Variants in LGMN observed in about 807,000 individuals in gnomAD.
LGMN encodes the protein legumain, also known as asparaginyl endopeptidase.
LGMN carries 36 observed loss-of-function variants against 56.8 expected under a neutral mutation model. The observed-to-expected ratio is 0.63, with a 90% CI of 0.49 to 0.84. The LOEUF is 0.84. LGMN is among the 40% of genes least tolerant of loss of function. The pLI is 0.00. For synonymous variants in LGMN, 199 were observed against 210.1 expected (o/e 0.95, Z 0.46); for missense variants, 446 against 556.1 (o/e 0.80, Z 1.99).
intron 11 of LGMN, among the ~76,000 whole-genome samples, chr14:92,708,611 A>G (rs1459982262): frequency 6.6e-6 from 1 of 152,158 alleles, no homozygotes; most frequent in African/African-American, 2.4e-5. Context: ...ATTTAAAAAA[A>G]GAATCTTGCC....
chr14:92,709,796 A>G lies in LGMN; in HGVS notation c.896T>C (p.Val299Ala), dbSNP rs780669493. ...GCTGGGGGTGAGGTCAAGGTGTGTG[A>G]CTGGAGGTAGGGGGACGGGAGAACT... Reference protein sequence around the residue: ...KASSPVPLPPVTHLDLTPSPD... With the variant: ...KASSPVPLPPATHLDLTPSPD... The change falls in exon 11 of 14, where the codon GTC (valine) becomes GCC (alanine). Residue 299 changes from valine to alanine, a missense_variant. By Grantham distance (64) the Val-to-Ala change is moderately conservative. Coordinates refer to ENST00000334869, the MANE Select transcript of LGMN (RefSeq NM_005606.7). 1.2e-6 allele frequency: 2 copies of G among 1,613,850 alleles called. No homozygotes were observed.
intron 2 of LGMN, 130 bp from the exon 3 acceptor site, chr14:92,718,974 T>G: frequency 1.6e-6 from 1 of 606,478 alleles, no homozygotes; most frequent in Non-Finnish European, 3.0e-6. Flanking sequence ...ATTTAAATTA[T>G]TATTTTAAAA....
intron 2 of LGMN, among the ~76,000 whole-genome samples, chr14:92,719,369 CCACCAA>C (rs1364922555): frequency 4.9e-5 from 7 of 143,782 alleles, no homozygotes; most frequent in South Asian, 2.5e-4. Context: ...ACCACCACCA[CCACCAA>C]CACCGCCACC....
intron 2 of LGMN, among the ~76,000 whole-genome samples, chr14:92,727,206 G>A (rs1365342845): frequency 2.6e-5 from 4 of 151,862 alleles, no homozygotes; most frequent in Non-Finnish European, 4.4e-5. Flanking sequence ...GAGGCGGGCA[G>A]ATCACTTGAA....
At chr14:92,712,227 A>G (rs1889820547) in intron 8 of LGMN, among the ~76,000 whole-genome samples, 1 of 152,232 alleles carries the variant, frequency 6.6e-6, no homozygotes, top group Non-Finnish European at 1.5e-5. Flanking sequence ...GCTATTCTGG[A>G]AGAATGCTGA....
chr14:92,733,895 A>G (rs376377858), intron 1 of LGMN: 12 of 152,216 alleles, frequency 7.9e-5, no homozygotes, highest in East Asian at 3.8e-4. Context: ...AATATGGAAG[A>G]CAGACAAAAT....
Position 92,707,721 on chromosome 14 carries a change from TTTAA to T in LGMN, c.1021-1072_1021-1069del, listed in dbSNP as rs1391969842. Among the ~76,000 whole-genome samples, 7 of 152,366 alleles carry T rather than the reference TTTAA, an allele frequency of 4.6e-5. No individual in the cohort carries two copies. The East Asian group carries it at 1.3e-3, about 29-fold the overall frequency. ...GAGTTAAATATTTTTAAATCTTAGT[TTTAA>T]TTTTTTCATAATCTTTTACTTTACA... On this transcript the variant is annotated intron_variant, in intron 11 of 13. Transcript: ENST00000334869.
chr14:92,713,484 T>C (rs1889905211), intron 7 of LGMN, among the ~76,000 whole-genome samples: 1 of 152,062 alleles, frequency 6.6e-6, no homozygotes, highest in African/African-American at 2.4e-5. Flanking sequence ...TGCCCGAAAT[T>C]GAGGACAGTC....
rs762107220 is a variant in LGMN at position 92,709,749 on chromosome 14, T to G, written c.943A>C (p.Met315Leu). 1.9e-6 allele frequency: 3 copies of G among 1,613,990 alleles called. No homozygotes were observed. Among genetic ancestry groups the G allele is most frequent in the Non-Finnish European group, 2.5e-6 (3 of 1,179,988 alleles). The change falls in exon 11 of 14, where the codon ATG becomes CTG. Residue 315 changes from methionine to leucine, a missense_variant. By Grantham distance (15) the Met-to-Leu change is conservative (BLOSUM62 2). Coordinates refer to ENST00000334869, the MANE Select transcript of LGMN (RefSeq NM_005606.7). ...TTGGTGTTCATCAGTTTCCTTTTCA[T>G]GATGGTGAGAGGCACATCAGGGCTG... ...TPSPDVPLTI[M>L]KRKLMNTNDL... is the part of the protein sequence containing the mutation.
chr14:92,732,638 C>T lies in LGMN; in HGVS notation c.138+11G>A. On this transcript the variant is annotated intron_variant, in intron 2 of 13. Transcript: ENST00000334869. ...TGTCCTTAACAAAAAAAAGATTAGT[C>T]ATTTTCTTACCTGGTGCCTATAATT... 1.2e-6 allele frequency: 2 copies of T among 1,612,744 alleles called. No homozygotes were observed. Among genetic ancestry groups the T allele is most frequent in the Non-Finnish European group, 1.7e-6 (2 of 1,179,508 alleles).
intron 2 of LGMN, among the ~76,000 whole-genome samples, chr14:92,730,287 C>T (rs1321597570): frequency 2.0e-5 from 3 of 152,136 alleles, no homozygotes; most frequent in Non-Finnish European, 4.4e-5. Flanking sequence ...ACTTTTTAAT[C>T]AAGCCAAATT....
intron 2 of LGMN, among the ~76,000 whole-genome samples, chr14:92,719,173 A>ACCG (rs1176605044): frequency 4.8e-5 from 6 of 123,966 alleles, no homozygotes; most frequent in South Asian, 3.1e-4. Flanking sequence ...CACCACCACC[A>ACCG]CCACCACCAT....
intron 2 of LGMN, among the ~76,000 whole-genome samples, chr14:92,729,405 C>T (rs962998633): frequency 1.4e-5 from 2 of 146,926 alleles, no homozygotes; most frequent in African/African-American, 5.1e-5. Context: ...AAGGGGCCCT[C>T]CTTACTCACC....
chr14:92,739,963 A>C (rs1180638558), intron 1 of LGMN, among the ~76,000 whole-genome samples: 1 of 151,830 alleles, frequency 6.6e-6, no homozygotes, highest in African/African-American at 2.4e-5. Context: ...AGAGAGAAAG[A>C]CTCCCAGCTG....
chr14:92,747,871 A>G lies in LGMN; in HGVS notation c.-30+618T>C, dbSNP rs891556792. Reference sequence around the variant, plus strand: ...CAGATACTATAATGCTTGGCATAGAACACTCCACGTAGGTATAACCTCAAA... The same window carrying G: ...CAGATACTATAATGCTTGGCATAGAGCACTCCACGTAGGTATAACCTCAAA... On this transcript the variant is annotated intron_variant, in intron 1 of 13. Transcript: ENST00000334869. Among the ~76,000 whole-genome samples, 3 of 152,182 alleles carry G rather than the reference A, an allele frequency of 2.0e-5. No individual in the cohort carries two copies. The East Asian group carries it at 5.8e-4, about 29-fold the overall frequency.
chr14:92,725,879 A>AT (rs1341133627), intron 2 of LGMN, among the ~76,000 whole-genome samples: 1 of 151,972 alleles, frequency 6.6e-6, no homozygotes. Flanking sequence ...CTGGCCACGG[A>AT]TTTTTTTAAA....
intron 10 of LGMN, among the ~76,000 whole-genome samples, chr14:92,710,390 C>T (rs977443709): frequency 6.6e-6 from 1 of 152,186 alleles, no homozygotes; most frequent in African/African-American, 2.4e-5. Context: ...AAGCATCTGC[C>T]CAGGTTAGAG....
chr14:92,708,875 A>AAAAAAAAG (rs1889585616), intron 11 of LGMN, among the ~76,000 whole-genome samples: 1 of 150,516 alleles, frequency 6.6e-6, no homozygotes, highest in Non-Finnish European at 1.5e-5. Context: ...AAAAAAAAAA[A>AAAAAAAAG]AAAAAATCTT....
chr14:92,741,384 A>G (rs1476215153), intron 1 of LGMN: 1 of 152,194 alleles, frequency 6.6e-6, no homozygotes, highest in Non-Finnish European at 1.5e-5. Context: ...ACCAAAGCCT[A>G]CACCTTAACC....
Sources: gnomAD v4.1 joint callset for allele counts (sites outside exome capture counted in the v4.1 genomes callset) on GRCh38, gnomAD v4.1.1 for gene constraint, MANE v1.5 for transcripts, NCBI Gene and HGNC (gene_info 2026-07-23, HGNC 2026-07-21) for gene names.